The following DCAF10 variants were observed in gnomAD, a reference collection of about 807,000 sequenced individuals.
DCAF10 encodes DDB1 and CUL4 associated factor 10.
In DCAF10, 19 loss-of-function variants were observed where a neutral mutation model predicts 51.9. The observed-to-expected ratio is 0.37, with a 90% CI of 0.26 to 0.54. The LOEUF is 0.54. Ranked by LOEUF, DCAF10 falls within the 20% of genes least tolerant of loss-of-function variation. The pLI, the probability that DCAF10 is intolerant of heterozygous loss-of-function variation, is 0.87. For synonymous variants in DCAF10, 291 were observed against 297.1 expected, an observed-to-expected ratio of 0.98 and a Z score of 0.21; for missense variants, 510 against 730.6, an observed-to-expected ratio of 0.70 and a Z score of 3.48.
chr9:37,830,414 G>A (rs1303202920), intron 2 of DCAF10, among the ~76,000 whole-genome samples: 1 of 152,156 alleles, frequency 6.6e-6, no homozygotes, highest in Non-Finnish European at 1.5e-5. Flanking sequence ...AACATTTACA[G>A]AGAAAAAACT....
chr9:37,855,686 A>G (rs1830825825), intron 4 of DCAF10, among the ~76,000 whole-genome samples: 1 of 152,236 alleles, frequency 6.6e-6, no homozygotes, highest in Non-Finnish European at 1.5e-5. Flanking sequence ...GGAACATAGA[A>G]TGCTAATAAA....
chr9:37,809,230 A>C (rs1829255165), intron 1 of DCAF10, among the ~76,000 whole-genome samples: 1 of 152,118 alleles, frequency 6.6e-6, no homozygotes, highest in African/African-American at 2.4e-5. Flanking sequence ...TATGTCTCAA[A>C]ACTTGTGGGA....
chr9:37,811,161 A>G (rs1829333796), intron 1 of DCAF10, among the ~76,000 whole-genome samples: 1 of 151,982 alleles, frequency 6.6e-6, no homozygotes, highest in Admixed American at 6.6e-5. Flanking sequence ...GAGAGATCCC[A>G]TATCTGCAAA....
rs1406496911 is a variant in DCAF10, at chr9:37,801,998, TTGC to T, written c.539+595_539+597del. On this transcript the variant is annotated intron_variant, in intron 1 of 6. Transcript: ENST00000377724. This position sits in a 1 kb window ranked among gnomAD's most constrained non-coding sequence, Gnocchi z 5.5. ...CTGATTAAATATTTATTGTATGGCT[TTGC>T]TTTAAAGGGAACTTTCCAAAATCGT... Among the ~76,000 whole-genome samples the T allele has an allele frequency of 2.0e-5, 3 of 152,224 alleles. No homozygotes were observed. Among genetic ancestry groups the T allele is most frequent in the African/African-American group, 7.2e-5 (3 of 41,460 alleles).
Position 37,860,422 on chromosome 9 carries a change from G to A in DCAF10, c.1311+229G>A. On this transcript the variant is annotated intron_variant, in intron 6 of 6. Transcript: ENST00000377724. ...CCTGCTGGGGTTGAGCAAGGTGGGA[G>A]GTACTTTAAAGGCCAGCATCAGCTC... 4 of 449,384 alleles carry A rather than the reference G, an allele frequency of 8.9e-6. 1 individual carries two copies. The East Asian group carries it at 1.5e-4, about 17-fold the overall frequency. The allele number at this position is 449,384 out of a possible 1,614,324, so 27.8% of individuals were successfully genotyped here. A position where few individuals can be genotyped will look rare whatever the true frequency, so the allele number is the denominator to read the frequency against.
rs144710318 is a variant in DCAF10, at chr9:37,851,688, G to A, written c.852-3092G>A. On this transcript the variant is annotated intron_variant, in intron 3 of 6. Coordinates refer to ENST00000377724, the MANE Select transcript of DCAF10 (RefSeq NM_024345.5). ...CAGGCGCTTGTAATCCCGGTTACTC[G>A]GGAGGCTGAGGCAGGAGAATCGCTT... Among the ~76,000 whole-genome samples, 746 of 151,404 alleles carry A rather than the reference G, an allele frequency of 4.9e-3. 6 individuals carry two copies. The highest frequency in any genetic ancestry group is 0.029 in the South Asian group (140 of 4,804).
At chr9:37,828,866 A>G (rs927684486) in intron 2 of DCAF10, among the ~76,000 whole-genome samples, 2 of 152,352 alleles carry the variant, frequency 1.3e-5, no homozygotes, top group Non-Finnish European at 1.5e-5. Context: ...TAGATTAAAG[A>G]TCTAATTATG....
chr9:37,830,963 C>G (rs553903917), intron 2 of DCAF10, among the ~76,000 whole-genome samples: 1 of 152,342 alleles, frequency 6.6e-6, no homozygotes, highest in East Asian at 1.9e-4. Context: ...TGGCTCATGC[C>G]TGTAATCCCA....
At chr9:37,836,960 A>G (rs1830184780) in intron 2 of DCAF10, among the ~76,000 whole-genome samples, 1 of 152,160 alleles carries the variant, frequency 6.6e-6, no homozygotes, top group Admixed American at 6.5e-5. Context: ...AAACACATTT[A>G]TGGCATGCAC....
rs5897701 is a variant in DCAF10, at chr9:37,807,658, C to CT, written c.539+6274dup. On this transcript the variant is annotated intron_variant, in intron 1 of 6. Transcript: ENST00000377724. ...TTACCACTGAATTTTCTTTTCTTTT[C>CT]TTTTTTTTTTTTTTTTTTTTTGAGA... is the stretch of plus-strand genomic sequence containing the variant. Among the ~76,000 whole-genome samples, 313 of 72,514 alleles carry CT rather than the reference C, an allele frequency of 4.3e-3. 2 individuals are homozygous for CT. Among genetic ancestry groups the CT allele is most frequent in the African/African-American group, 8.0e-3 (150 of 18,750 alleles). 47.6% of individuals were successfully genotyped at this position (72,514 alleles called of 152,430 possible).
chr9:37,850,818 G>GAT (rs1302295818), intron 3 of DCAF10, among the ~76,000 whole-genome samples: 10 of 86,052 alleles, frequency 1.2e-4, no homozygotes, highest in African/African-American at 3.5e-4. Context: ...AGTATGTGAG[G>GAT]ATATATTTTA....
chr9:37,817,013 A>G (rs1451119993), intron 1 of DCAF10, among the ~76,000 whole-genome samples: 1 of 152,226 alleles, frequency 6.6e-6, no homozygotes, highest in African/African-American at 2.4e-5. Flanking sequence ...AATATATCAT[A>G]AGCCTTCTAG....
intron 3 of DCAF10, among the ~76,000 whole-genome samples, chr9:37,852,595 C>T (rs560204637): frequency 6.9e-6 from 1 of 144,788 alleles, no homozygotes; most frequent in Non-Finnish European, 1.5e-5. Context: ...GAGACCCAGT[C>T]TCTTAAAAGA....
At chr9:37,833,221 T>C (rs544610249) in intron 2 of DCAF10, among the ~76,000 whole-genome samples, 6 of 152,362 alleles carry the variant, frequency 3.9e-5, no homozygotes, top group Non-Finnish European at 7.3e-5. Context: ...CATTATTTCA[T>C]TGGGAAGATT....
chr9:37,832,752 T>TA (rs1830043756), intron 2 of DCAF10, among the ~76,000 whole-genome samples: 2 of 152,216 alleles, frequency 1.3e-5, no homozygotes, highest in African/African-American at 2.4e-5. Context: ...TATGACATGA[T>TA]AGACACCTCA....
intron 5 of DCAF10, among the ~76,000 whole-genome samples, chr9:37,857,768 G>A (rs1415366447): frequency 1.3e-5 from 2 of 152,176 alleles, no homozygotes; most frequent in East Asian, 1.9e-4. Flanking sequence ...CCTTGTCTGT[G>A]CAATGCCTGA....
intron 2 of DCAF10, among the ~76,000 whole-genome samples, chr9:37,837,057 G>A (rs1830186959): frequency 6.6e-6 from 1 of 152,124 alleles, no homozygotes. Flanking sequence ...ATTACTAGTT[G>A]TATTATTTAT....
chr9:37,805,257 G>A (rs140733142), intron 1 of DCAF10, among the ~76,000 whole-genome samples: 139 of 152,204 alleles, frequency 9.1e-4, no homozygotes, highest in African/African-American at 3.1e-3. Flanking sequence ...CGAGGCGGGC[G>A]GATCACTTGA....
At chr9:37,803,211 A>T (rs773988698) in intron 1 of DCAF10, among the ~76,000 whole-genome samples, 4 of 152,152 alleles carry the variant, frequency 2.6e-5, no homozygotes, top group Non-Finnish European at 5.9e-5. Flanking sequence ...ATACCTAAAC[A>T]TTGCTTATGA....
Sources: allele counts gnomAD v4.1 joint callset (sites outside exome capture counted in the v4.1 genomes callset), GRCh38; gene constraint gnomAD v4.1.1; non-coding constraint Gnocchi (gnomAD v3.1); transcripts MANE v1.5; gene names NCBI Gene and HGNC (gene_info 2026-07-23, HGNC 2026-07-21).